The following C1orf146 variants were observed in gnomAD, a reference collection of about 807,000 sequenced individuals.
The protein encoded by C1orf146 is chromosome 1 open reading frame 146.
A neutral mutation model predicts 23.0 loss-of-function variants in C1orf146; 22 were observed. That is an observed-to-expected ratio of 0.96 (90% confidence interval 0.68 to 1.36). C1orf146 has a LOEUF of 1.36. Ranked by LOEUF, C1orf146 falls within the 40% of genes most tolerant of loss-of-function variation. The probability of loss-of-function intolerance (pLI) is 0.00; values close to 1 mark genes in which losing one functional copy is unlikely to be tolerated. For missense variants in C1orf146, 199 were observed against 206.8 expected (o/e 0.96, Z 0.23); for synonymous variants, 59 against 65.3 (o/e 0.90, Z 0.47).
At chr1:92,222,849 G>T (rs975749947) in intron 1 of C1orf146, among the ~76,000 whole-genome samples, 4 of 152,014 alleles carry the variant, frequency 2.6e-5, no homozygotes, top group Admixed American at 6.6e-5. Flanking sequence ...GCCTCCCAAA[G>T]TGCTGGGATT....
chr1:92,228,750 T>C (rs1652030872), intron 1 of C1orf146, among the ~76,000 whole-genome samples: 1 of 152,192 alleles, frequency 6.6e-6, no homozygotes, highest in Non-Finnish European at 1.5e-5. Flanking sequence ...CCAAGCCACA[T>C]GTACTAAGGG....
rs550955051 is a variant in C1orf146, at chr1:92,238,901, A to T, written c.67-3311A>T. Among the ~76,000 whole-genome samples, 3 of 152,132 alleles carry T rather than the reference A, an allele frequency of 2.0e-5. No homozygotes were observed. In the East Asian group the frequency reaches 5.8e-4, roughly 29 times the overall value. ...CTTAATACACTGCTTTTTATTTTAA[A>T]GATTTGACTCAGATTTTTTGTTATA... On this transcript the variant is annotated intron_variant, in intron 2 of 5. Coordinates refer to ENST00000370375, the MANE Select transcript of C1orf146 (RefSeq NM_001012425.2).
At chr1:92,228,780 C>A (rs1457446534) in intron 1 of C1orf146, among the ~76,000 whole-genome samples, 1 of 152,170 alleles carries the variant, frequency 6.6e-6, no homozygotes, top group Non-Finnish European at 1.5e-5. Flanking sequence ...AAGATATGTA[C>A]AGGGTATTAA....
intron 4 of C1orf146, 28 bp from the exon 5 acceptor site, chr1:92,244,751 G>A (rs1482470563): frequency 2.2e-6 from 3 of 1,376,392 alleles, no homozygotes; most frequent in African/African-American, 2.8e-5. Context: ...CAAGTTATAT[G>A]ATCTGTATAA....
chr1:92,227,314 G>A (rs1037285388), intron 1 of C1orf146, among the ~76,000 whole-genome samples: 5 of 152,072 alleles, frequency 3.3e-5, no homozygotes, highest in South Asian at 2.1e-4. Flanking sequence ...AGGCCGAGGC[G>A]GGCGGATCAC....
chr1:92,242,336 T>C, intron 3 of C1orf146, 31 bp downstream of exon 3: 1 of 1,139,484 alleles, frequency 8.8e-7, no homozygotes, highest in Non-Finnish European at 1.3e-6. Context: ...GCCTTAAGTT[T>C]CTTATGAAAT....
rs796686364 is a variant in C1orf146, at chr1:92,226,416, TAC to T, written c.-39-4951_-39-4950del. Among the ~76,000 whole-genome samples, 130 of 114,028 alleles carry T rather than the reference TAC, an allele frequency of 1.1e-3. 2 individuals carry two copies. In the South Asian group the frequency reaches 0.022, roughly 19 times the overall value. The allele number at this position is 114,028 out of a possible 152,430, so 74.8% of individuals were successfully genotyped here. On this transcript the variant is annotated intron_variant, in intron 1 of 5. Transcript: ENST00000370375. ...GCACGCATGCACACACACACACACA[TAC>T]ACACACACACACACTTGACCCAATA...
At chr1:92,236,280 G>A (rs1473627353) in intron 2 of C1orf146, among the ~76,000 whole-genome samples, 6 of 151,772 alleles carry the variant, frequency 4.0e-5, no homozygotes, top group East Asian at 3.9e-4. Context: ...TGCTTCCTTT[G>A]GGAGCTCTTT....
chr1:92,242,441 C>T lies in C1orf146; in HGVS notation c.160+136C>T, dbSNP rs369636988. 3.3e-4 allele frequency: 94 copies of T among 287,628 alleles called. 1 individual carries two copies. The African/African-American group carries it at 8.3e-3, about 26-fold the overall frequency. 17.8% of individuals were successfully genotyped at this position (287,628 alleles called of 1,614,324 possible). On this transcript the variant is annotated intron_variant, in intron 3 of 5. Coordinates refer to ENST00000370375, the MANE Select transcript of C1orf146 (RefSeq NM_001012425.2). The stretch of plus-strand genomic sequence containing the variant: ...AATGTGTAAAACTTTGTTACTACTA[C>T]AAACAGTCCATATGGCCAATTCCAA...
chr1:92,228,605 C>A (rs1323252700), intron 1 of C1orf146, among the ~76,000 whole-genome samples: 1 of 152,126 alleles, frequency 6.6e-6, no homozygotes, highest in Non-Finnish European at 1.5e-5. Flanking sequence ...CCCTTGCCAG[C>A]CTCTAGAGAA....
chr1:92,233,182 C>T (rs1165677070), intron 2 of C1orf146, among the ~76,000 whole-genome samples: 3 of 152,152 alleles, frequency 2.0e-5, no homozygotes, highest in Non-Finnish European at 4.4e-5. Context: ...GAAGTCCTTG[C>T]CCATGCCTAT....
intron 1 of C1orf146, among the ~76,000 whole-genome samples, chr1:92,224,061 T>C (rs1651905226): frequency 7.9e-6 from 1 of 126,018 alleles, no homozygotes; most frequent in Non-Finnish European, 1.8e-5. Flanking sequence ...TATTTATTTA[T>C]TTATTTTGAG....
chr1:92,240,569 C>G (rs1652409300), intron 2 of C1orf146: 1 of 152,640 alleles, frequency 6.6e-6, no homozygotes, highest in African/African-American at 2.4e-5. Context: ...TACATAATTT[C>G]AGCCTGTGTG....
intron 2 of C1orf146, among the ~76,000 whole-genome samples, chr1:92,232,021 A>G (rs1652135166): frequency 2.0e-5 from 3 of 152,212 alleles, no homozygotes; most frequent in East Asian, 1.9e-4. Context: ...AAGGGGCAAG[A>G]AATGATTGTT....
intron 2 of C1orf146, among the ~76,000 whole-genome samples, chr1:92,241,355 C>CAT (rs1294712908): frequency 6.6e-6 from 1 of 152,014 alleles, no homozygotes; most frequent in Non-Finnish European, 1.5e-5. Context: ...GGACTACAGG[C>CAT]ATGTGCCACC....
chr1:92,222,738 C>T (rs1651863402), intron 1 of C1orf146, among the ~76,000 whole-genome samples: 1 of 151,754 alleles, frequency 6.6e-6, no homozygotes, highest in Admixed American at 6.6e-5. Context: ...AGGCGCCTGC[C>T]ACCACGCCCG....
chr1:92,240,604 A>G (rs552066392), intron 2 of C1orf146: 1 of 154,786 alleles, frequency 6.5e-6, no homozygotes, highest in Non-Finnish European at 1.4e-5. Context: ...GTTCTGAGGC[A>G]AAACAGAAAA....
chr1:92,245,524 T>C lies in C1orf146; in HGVS notation c.409-16T>C, dbSNP rs1209351727. 6.4e-7 allele frequency: 1 copy of C among 1,574,442 alleles called. No homozygotes were observed. On this transcript the variant is annotated splice_polypyrimidine_tract_variant and intron_variant, in intron 5 of 5. Coordinates refer to ENST00000370375, the MANE Select transcript of C1orf146 (RefSeq NM_001012425.2). ...TATTTCTGTAAATAATGCTGCATCT[T>C]TATATCTTCTTCCAGACTACCTCCA...
intron 2 of C1orf146, among the ~76,000 whole-genome samples, chr1:92,231,851 T>G (rs932228347): frequency 1.3e-5 from 2 of 152,088 alleles, no homozygotes; most frequent in Non-Finnish European, 2.9e-5. Context: ...TTGGCAGCAC[T>G]GGAATGAGAC....
Sources: gnomAD v4.1 joint callset for allele counts (sites outside exome capture counted in the v4.1 genomes callset) on GRCh38, gnomAD v4.1.1 for gene constraint, MANE v1.5 for transcripts, NCBI Gene and HGNC (gene_info 2026-07-23, HGNC 2026-07-21) for gene names.